Variants in MREG observed in about 807,000 individuals in gnomAD.
MREG encodes the protein dilute suppressor protein homolog.
Under a neutral mutation model 28.5 loss-of-function variants are expected in MREG, and 31 were observed. The observed-to-expected ratio is 1.09, with a 90% CI of 0.82 to 1.47. The LOEUF (loss-of-function observed/expected upper bound fraction) is 1.47. Ranked by LOEUF, MREG falls within the 40% of genes most tolerant of loss-of-function variation. The probability of loss-of-function intolerance (pLI) is 0.00; values close to 1 mark genes in which losing one functional copy is unlikely to be tolerated. For missense variants in MREG, 256 were observed against 257.4 expected, an observed-to-expected ratio of 0.99 and a Z score of 0.04; for synonymous variants, 106 against 95.2, an observed-to-expected ratio of 1.11 and a Z score of -0.66.
At chr2:216,018,424 A>G (rs1694477466), upstream of MREG, among the ~76,000 whole-genome samples, 1 of 152,258 alleles carries the variant, frequency 6.6e-6, no homozygotes, top group Non-Finnish European at 1.5e-5. Context: ...ATGCACGCAC[A>G]TAGTGGGCAC....
intron 2 of MREG, among the ~76,000 whole-genome samples, chr2:215,963,445 A>C (rs1692851235): frequency 1.6e-4 from 1 of 6,346 alleles, no homozygotes; most frequent in Non-Finnish European, 9.1e-4. Context: ...CAAAAAAAAA[A>C]AAAAAAAAAA....
At chr2:216,017,926 G>A (rs1356445341), upstream of MREG, among the ~76,000 whole-genome samples, 2 of 150,152 alleles carry the variant, frequency 1.3e-5, no homozygotes, top group African/African-American at 2.5e-5. Flanking sequence ...CAAGGTGGGC[G>A]AATAACCTGA....
chr2:215,946,364 A>T (rs913642209), intron 3 of MREG, among the ~76,000 whole-genome samples: 1 of 152,006 alleles, frequency 6.6e-6, no homozygotes, highest in African/African-American at 2.4e-5. Context: ...CACGCTTGAA[A>T]AGTGATGATG....
In MREG at chr2:215,943,838, CAA is replaced by C. The variant is rs1172682973; in HGVS notation, c.*1023_*1024del. The C allele has an allele frequency of 0.024, 1,126 of 46,990 alleles. 1 individual carries two copies. Among genetic ancestry groups the C allele is most frequent in the African/African-American group, 0.09 (1,075 of 11,922 alleles). 2.9% of individuals were successfully genotyped at this position (46,990 alleles called of 1,614,324 possible). On this transcript the variant is annotated 3_prime_UTR_variant, in exon 5 of 5. Transcript: ENST00000263268. ...CCTGGGCGACAGAGCGAGAGTCCAT[CAA>C]AAAAAAAAAAAAAAAAAAAAAGAGC...
rs1191138312 is a variant in MREG at position 216,028,527 on chromosome 2, CAA to C, written c.-68+4260_-68+4261del. 8.3e-3 allele frequency among the ~76,000 whole-genome samples: 523 copies of C among 62,796 alleles called. 3 individuals carry two copies. Among genetic ancestry groups the C allele is most frequent in the African/African-American group, 0.028 (480 of 17,326 alleles). The allele number at this position is 62,796 out of a possible 152,430, so 41.2% of individuals were successfully genotyped here. A position where few individuals can be genotyped will look rare whatever the true frequency, so the allele number is the denominator to read the frequency against. ...TGGGCAACACAGCAAGACTCCATCT[CAA>C]AAAAAAAAAAAAAAAAAAACCCAGA... On this transcript the variant is annotated intron_variant, in intron 1 of 3. Transcript: ENST00000420348.
chr2:216,022,133 C>T, intron 1 of MREG, among the ~76,000 whole-genome samples: 1 of 152,068 alleles, frequency 6.6e-6, no homozygotes. Flanking sequence ...CACCTGTAAT[C>T]CCAACTACTT....
chr2:216,029,320 A>G (rs1038434587), intron 1 of MREG, among the ~76,000 whole-genome samples: 3 of 152,040 alleles, frequency 2.0e-5, no homozygotes, highest in Non-Finnish European at 4.4e-5. Context: ...TCTATTAAAA[A>G]TACAAAAATT....
intron 2 of MREG, among the ~76,000 whole-genome samples, chr2:215,967,483 C>T (rs2105986349): frequency 6.6e-6 from 1 of 152,244 alleles, no homozygotes; most frequent in East Asian, 1.9e-4. Context: ...ATGTTTTATA[C>T]CCATAAATGA....
Position 215,944,371 on chromosome 2 carries a change from C to T in MREG, c.*492G>A, listed in dbSNP as rs1243038482. ...TGCCCTGACACCCTCCAAGGTTCTACAAGGTGACCAAATCAGAGAGGTCAC... is the reference window on the plus strand; with the variant it reads ...TGCCCTGACACCCTCCAAGGTTCTATAAGGTGACCAAATCAGAGAGGTCAC... On this transcript the variant is annotated 3_prime_UTR_variant, in exon 5 of 5. Coordinates refer to ENST00000263268, the MANE Select transcript of MREG (RefSeq NM_018000.3). 6.6e-6 allele frequency: 1 copy of T among 152,496 alleles called. No homozygotes were observed. Among genetic ancestry groups the T allele is most frequent in the Non-Finnish European group, 1.5e-5 (1 of 68,260 alleles). 9.4% of individuals were successfully genotyped at this position (152,496 alleles called of 1,614,324 possible).
chr2:215,974,096 T>C lies in MREG; in HGVS notation c.255+22210A>G, dbSNP rs112013277. On this transcript the variant is annotated intron_variant, in intron 2 of 4. Transcript: ENST00000263268. ...TCCTCACCTAGATTGTAATTCGACA[T>C]AGCAATTATTTCAAGAGGGTGTGCC... Among the ~76,000 whole-genome samples the C allele has an allele frequency of 3.3e-3, 499 of 152,310 alleles. 4 individuals carry two copies. Among genetic ancestry groups the C allele is most frequent in the African/African-American group, 0.011 (465 of 41,562 alleles).
chr2:215,949,065 ACTAC>A (rs1692398663), intron 2 of MREG, among the ~76,000 whole-genome samples: 10 of 142,278 alleles, frequency 7.0e-5, no homozygotes, highest in East Asian at 2.1e-4. Flanking sequence ...TACTACTACT[ACTAC>A]TACTACTACT....
chr2:215,971,728 G>T lies in MREG; in HGVS notation c.255+24578C>A, dbSNP rs537937606. On this transcript the variant is annotated intron_variant, in intron 2 of 4. Coordinates refer to ENST00000263268, the MANE Select transcript of MREG (RefSeq NM_018000.3). ...CCTGCCTGCTTCCTTTCCTGTGTGT[G>T]TTACAGGGCCCTGCTCTCAACTTAC... Among the ~76,000 whole-genome samples the T allele has an allele frequency of 1.6e-4, 25 of 152,306 alleles. No homozygotes were observed. In the South Asian group the frequency reaches 4.6e-3, roughly 28 times the overall value.
chr2:216,002,218 C>G (rs3770562), intron 1 of MREG, among the ~76,000 whole-genome samples: 84,352 of 152,034 alleles, frequency 0.55, 23,739 homozygotes, highest in East Asian at 0.67. Context: ...CTTAATCCCA[C>G]CCAGGGGCTC....
chr2:216,030,051 C>T (rs573630105), intron 1 of MREG, among the ~76,000 whole-genome samples: 1 of 152,188 alleles, frequency 6.6e-6, no homozygotes, highest in Admixed American at 6.5e-5. Context: ...TTTCAACCAC[C>T]TTAAAATTAC....
intron 2 of MREG, among the ~76,000 whole-genome samples, chr2:215,961,126 C>A (rs1176009000): frequency 6.6e-6 from 1 of 152,204 alleles, no homozygotes; most frequent in Non-Finnish European, 1.5e-5. Flanking sequence ...TAGCGGTTGG[C>A]AGGGGGTGGA....
At chr2:215,984,858 T>C (rs190197913) in intron 2 of MREG, among the ~76,000 whole-genome samples, 2 of 152,354 alleles carry the variant, frequency 1.3e-5, no homozygotes, top group Admixed American at 1.3e-4. Context: ...GAAAATCCCT[T>C]TCGTACTCAT....
intron 2 of MREG, among the ~76,000 whole-genome samples, chr2:215,954,515 A>C (rs1170256868): frequency 6.7e-6 from 1 of 150,362 alleles, no homozygotes; most frequent in East Asian, 2.0e-4. Flanking sequence ...CTCAAATGTT[A>C]TAGATGACAC....
chr2:215,996,218 T>G, intron 2 of MREG, 88 bp downstream of exon 2: 1 of 1,315,958 alleles, frequency 7.6e-7, no homozygotes, highest in South Asian at 1.7e-5. Flanking sequence ...TTCATTCTTT[T>G]TGTTATTTCA....
intron 2 of MREG, among the ~76,000 whole-genome samples, chr2:215,994,735 G>A (rs1693819026): frequency 6.6e-6 from 1 of 152,054 alleles, no homozygotes; most frequent in Admixed American, 6.6e-5. Context: ...CTTTCCAAGA[G>A]GGCTTTGTCG....
Sources: allele counts gnomAD v4.1 joint callset (sites outside exome capture counted in the v4.1 genomes callset), GRCh38; gene constraint gnomAD v4.1.1; transcripts MANE v1.5; gene names NCBI Gene and HGNC (gene_info 2026-07-23, HGNC 2026-07-21).